Variants in LRIG1 observed in about 807,000 individuals in gnomAD.
LRIG1 encodes the protein leucine-rich repeats and immunoglobulin-like domains protein 1.
LRIG1 carries 48 observed loss-of-function variants against 99.2 expected under a neutral mutation model. That is an observed-to-expected ratio of 0.48 (90% CI 0.38 to 0.62). LRIG1 has a LOEUF of 0.62. Among genes scored for constraint, LRIG1 ranks in the 20% least tolerant of loss-of-function variants. The pLI, the probability that LRIG1 is intolerant of heterozygous loss-of-function variation, is 0.00. For synonymous variants in LRIG1, 772 were observed against 596.1 expected (o/e 1.29, Z -4.30); for missense variants, 1,646 against 1,434.4 (o/e 1.15, Z -2.38).
chr3:66,405,182 T>C lies in LRIG1; in HGVS notation c.1160+16A>G. 6.8e-6 allele frequency: 11 copies of C among 1,612,590 alleles called. No homozygotes were observed. Among genetic ancestry groups the C allele is most frequent in the African/African-American group, 1.3e-5 (1 of 75,058 alleles). On this transcript the variant is annotated intron_variant, in intron 9 of 18. Coordinates refer to ENST00000273261, the MANE Select transcript of LRIG1 (RefSeq NM_015541.3). ...CCGCGCATTTGCCGGCGGAGCTCCG[T>C]GCGGCGGATACTCACAGCTTGCTGA...
At chr3:66,383,665 ATTCTTGACCAAGCCCAC>A (rs1701220197) in intron 14 of LRIG1, among the ~76,000 whole-genome samples, 1 of 152,022 alleles carries the variant, frequency 6.6e-6, no homozygotes, top group South Asian at 2.1e-4. Flanking sequence ...CTGTGTCCTT[ATTCTTGACCAAGCCCAC>A]ATCCATCCTG....
intron 4 of LRIG1, 101 bp downstream of exon 4, chr3:66,417,028 G>T: frequency 6.8e-7 from 1 of 1,476,494 alleles, no homozygotes; most frequent in Non-Finnish European, 9.3e-7. Flanking sequence ...GTTGAGAAGG[G>T]AAGGAAGCAT....
intron 2 of LRIG1, among the ~76,000 whole-genome samples, chr3:66,458,644 A>G (rs955404243): frequency 2.0e-5 from 3 of 151,734 alleles, no homozygotes; most frequent in African/African-American, 4.8e-5. Flanking sequence ...GGAGGCTGCA[A>G]TGAGCTGAGG....
At chr3:66,493,354 T>C (rs774237209) in intron 1 of LRIG1, among the ~76,000 whole-genome samples, 5 of 152,228 alleles carry the variant, frequency 3.3e-5, no homozygotes, top group Non-Finnish European at 5.9e-5. Flanking sequence ...CAGACATAAC[T>C]ATTTGTACAA....
Position 66,427,900 on chromosome 3 carries a change from T to A in LRIG1, c.366-10634A>T, listed in dbSNP as rs541479691. 2.6e-5 allele frequency among the ~76,000 whole-genome samples: 4 copies of A among 152,320 alleles called. No homozygotes were observed. In the South Asian group the frequency reaches 8.3e-4, roughly 32 times the overall value. On this transcript the variant is annotated intron_variant, in intron 3 of 18. Coordinates refer to ENST00000273261, the MANE Select transcript of LRIG1 (RefSeq NM_015541.3). Reference sequence around the variant, plus strand: ...CAAAACTGTTCTGTACATACCCTTTTTTATTTGGCTACTTCCACTCAACAT... The same window carrying A: ...CAAAACTGTTCTGTACATACCCTTTATTATTTGGCTACTTCCACTCAACAT...
intron 1 of LRIG1, among the ~76,000 whole-genome samples, chr3:66,496,737 TA>T (rs142673246): frequency 2.0e-5 from 3 of 149,782 alleles, no homozygotes; most frequent in Admixed American, 1.3e-4. Context: ...CAATCTACTT[TA>T]AAAAAAAAAC....
intron 3 of LRIG1, among the ~76,000 whole-genome samples, chr3:66,439,590 C>T (rs1187637560): frequency 2.0e-5 from 3 of 150,630 alleles, no homozygotes; most frequent in Admixed American, 6.6e-5. Flanking sequence ...AGAGCCAAGT[C>T]TTACTTTTGA....
intron 3 of LRIG1, among the ~76,000 whole-genome samples, chr3:66,447,001 G>A (rs1287160596): frequency 8.5e-5 from 13 of 152,120 alleles, no homozygotes; most frequent in African/African-American, 3.1e-4. Context: ...TAGTGGTGAT[G>A]GTTGCACAAC....
chr3:66,380,183 TGA>T lies in LRIG1; in HGVS notation c.*78_*79del. On this transcript the variant is annotated 3_prime_UTR_variant, in exon 19 of 19. Transcript: ENST00000273261. ...CAACTATGTACAGATGAGTGACGCT[TGA>T]ACCCAAGCTTCCTCGCAGCCTCTCC... 8.3e-7 allele frequency: 1 copy of T among 1,210,186 alleles called. No individual in the cohort carries two copies. The highest frequency in any genetic ancestry group is 1.5e-5 in the South Asian group (1 of 68,130). The allele number at this position is 1,210,186 out of a possible 1,614,324, so 75.0% of individuals were successfully genotyped here.
chr3:66,460,645 G>A (rs1036259570), intron 2 of LRIG1, among the ~76,000 whole-genome samples: 6 of 152,186 alleles, frequency 3.9e-5, no homozygotes, highest in African/African-American at 1.4e-4. Context: ...CTTGATCTTG[G>A]ACTTCCTGCT....
chr3:66,472,661 C>G (rs1444272864), intron 1 of LRIG1, among the ~76,000 whole-genome samples: 2 of 152,196 alleles, frequency 1.3e-5, no homozygotes, highest in African/African-American at 4.8e-5. Context: ...GCAGAAGGTA[C>G]AACCACGGAT....
At chr3:66,390,237 A>G (rs574592056) in intron 12 of LRIG1, among the ~76,000 whole-genome samples, 3 of 152,302 alleles carry the variant, frequency 2.0e-5, no homozygotes, top group South Asian at 4.1e-4. Flanking sequence ...AATTTACTGA[A>G]AAACTTAGAA....
chr3:66,460,757 T>G (rs1298380573), intron 2 of LRIG1, among the ~76,000 whole-genome samples: 2 of 152,230 alleles, frequency 1.3e-5, no homozygotes, highest in Non-Finnish European at 1.5e-5. Context: ...GTGACCCACT[T>G]CAAACTTCCT....
chr3:66,391,521 G>C (rs1395286517), intron 12 of LRIG1, among the ~76,000 whole-genome samples: 1 of 152,180 alleles, frequency 6.6e-6, no homozygotes, highest in Non-Finnish European at 1.5e-5. Flanking sequence ...CCAGTTACAA[G>C]AGACCGTATA....
chr3:66,498,878 G>C (rs762242297), intron 1 of LRIG1, among the ~76,000 whole-genome samples: 5 of 152,110 alleles, frequency 3.3e-5, no homozygotes, highest in African/African-American at 4.8e-5. Flanking sequence ...CATTTAAAAG[G>C]AATTAACTTT....
chr3:66,437,538 C>T (rs1413614900), intron 3 of LRIG1, among the ~76,000 whole-genome samples: 2 of 152,130 alleles, frequency 1.3e-5, no homozygotes, highest in Non-Finnish European at 2.9e-5. Context: ...CTCAGCAGGC[C>T]ACTTCTACTA....
chr3:66,408,665 T>C (rs1702360559), intron 7 of LRIG1, among the ~76,000 whole-genome samples: 1 of 152,068 alleles, frequency 6.6e-6, no homozygotes, highest in Admixed American at 6.5e-5. Context: ...AAGACCTCTC[T>C]TGCTTCCCAC....
chr3:66,410,294 G>A (rs774000822), intron 6 of LRIG1, 22 bp from the exon 7 acceptor site: 181 of 1,579,440 alleles, frequency 1.1e-4, no homozygotes, highest in Non-Finnish European at 1.5e-4. Flanking sequence ...GCCATGCACA[G>A]GATGAAGAGG....
intron 1 of LRIG1, among the ~76,000 whole-genome samples, chr3:66,473,374 C>A (rs373129832): frequency 3.3e-5 from 5 of 152,224 alleles, no homozygotes; most frequent in Admixed American, 3.3e-4. Context: ...TCAGCCTCCA[C>A]TGGAACTTAC....
Sources: allele counts gnomAD v4.1 joint callset (sites outside exome capture counted in the v4.1 genomes callset), GRCh38; gene constraint gnomAD v4.1.1; transcripts MANE v1.5; gene names NCBI Gene and HGNC (gene_info 2026-07-23, HGNC 2026-07-21).